The following SAMD12 variants were observed in gnomAD, a reference collection of about 807,000 sequenced individuals.
SAMD12 encodes sterile alpha motif domain-containing protein 12.
A neutral mutation model predicts 15.0 loss-of-function variants in SAMD12; 9 were observed. The observed-to-expected ratio is 0.60, with a 90% confidence interval of 0.36 to 1.05. The LOEUF (loss-of-function observed/expected upper bound fraction) is 1.05. Among genes scored for constraint, SAMD12 ranks in the 50% least tolerant of loss-of-function variants. The pLI is 0.01. For synonymous variants in SAMD12, 86 were observed against 90.1 expected (o/e 0.96, Z 0.25); for missense variants, 230 against 234.2 (o/e 0.98, Z 0.12).
At chr8:118,317,144 C>A (rs962106091) in intron 4 of SAMD12, among the ~76,000 whole-genome samples, 2 of 152,232 alleles carry the variant, frequency 1.3e-5, no homozygotes, top group East Asian at 3.9e-4. Context: ...GGAGAGACCA[C>A]CTCTACAGAC....
At chr8:118,469,542 AT>A (rs1823725172) in intron 2 of SAMD12, among the ~76,000 whole-genome samples, 2 of 4,392 alleles carry the variant, frequency 4.6e-4, no homozygotes, top group African/African-American at 1.5e-3. Context: ...TATATATATT[AT>A]ATTATTATAT....
intron 4 of SAMD12, among the ~76,000 whole-genome samples, chr8:118,312,534 T>C (rs1053211523): frequency 1.3e-5 from 2 of 152,190 alleles, no homozygotes; most frequent in Admixed American, 6.5e-5. Flanking sequence ...TTTATTTATA[T>C]ATTGTCTTAG....
intron 2 of SAMD12, among the ~76,000 whole-genome samples, chr8:118,500,669 G>A (rs1187031606): frequency 2.0e-5 from 3 of 151,984 alleles, no homozygotes; most frequent in African/African-American, 7.2e-5. Flanking sequence ...AGCTGGGCGT[G>A]GTGGCAGGTG....
intron 4 of SAMD12, among the ~76,000 whole-genome samples, chr8:118,262,048 A>C (rs896093400): frequency 6.6e-6 from 1 of 152,078 alleles, no homozygotes; most frequent in Non-Finnish European, 1.5e-5. Context: ...ATCTGGAGGA[A>C]ATCAAGTTAA....
intron 2 of SAMD12, among the ~76,000 whole-genome samples, chr8:118,514,125 T>C (rs1478466446): frequency 6.6e-6 from 1 of 152,218 alleles, no homozygotes; most frequent in Non-Finnish European, 1.5e-5. Context: ...CTGTATAAAG[T>C]ACATGAGATC....
chr8:118,425,592 T>C (rs868830506), intron 3 of SAMD12, among the ~76,000 whole-genome samples: 2 of 152,188 alleles, frequency 1.3e-5, no homozygotes, highest in African/African-American at 4.8e-5. Context: ...TCATACTTAA[T>C]TGACTTAGTT....
At chr8:118,202,851 A>G (rs1819752456) in intron 4 of SAMD12, among the ~76,000 whole-genome samples, 1 of 152,230 alleles carries the variant, frequency 6.6e-6, no homozygotes, top group Non-Finnish European at 1.5e-5. Flanking sequence ...ACATTCCAAA[A>G]AAGTGAGATC....
intron 4 of SAMD12, among the ~76,000 whole-genome samples, chr8:118,221,007 G>T (rs112359207): frequency 6.6e-6 from 1 of 151,822 alleles, no homozygotes; most frequent in Non-Finnish European, 1.5e-5. Flanking sequence ...AATTATTTGC[G>T]TATGATTTCT....
At chr8:118,422,761 C>G (rs551543014) in intron 3 of SAMD12, among the ~76,000 whole-genome samples, 1 of 152,044 alleles carries the variant, frequency 6.6e-6, no homozygotes, top group Non-Finnish European at 1.5e-5. Flanking sequence ...AAATTTAGAC[C>G]AGAAAAGTGG....
intron 2 of SAMD12, among the ~76,000 whole-genome samples, chr8:118,528,194 TTTTTTA>T (rs1238240650): frequency 2.6e-5 from 4 of 152,262 alleles, no homozygotes; most frequent in Non-Finnish European, 5.9e-5. Context: ...AATCAGCTAA[TTTTTTA>T]TTTTTATTTT....
chr8:118,589,263 G>C (rs1208709971), intron 1 of SAMD12, among the ~76,000 whole-genome samples: 2 of 152,184 alleles, frequency 1.3e-5, no homozygotes, highest in African/African-American at 4.8e-5. Flanking sequence ...TGCCCAAGCT[G>C]GACCTACATG....
intron 2 of SAMD12, among the ~76,000 whole-genome samples, chr8:118,537,573 C>T (rs578169389): frequency 1.9e-4 from 29 of 152,298 alleles, no homozygotes; most frequent in African/African-American, 7.0e-4. Flanking sequence ...GACACTGATG[C>T]ATTCTTCAGT....
chr8:118,241,999 CCT>C (rs1812579208), intron 4 of SAMD12, among the ~76,000 whole-genome samples: 5 of 152,112 alleles, frequency 3.3e-5, no homozygotes, highest in Non-Finnish European at 5.9e-5. Context: ...GAAGCCTTGA[CCT>C]CCCTGGGCTC....
At chr8:118,443,460 A>G (rs1020044073) in intron 2 of SAMD12, among the ~76,000 whole-genome samples, 1 of 151,926 alleles carries the variant, frequency 6.6e-6, no homozygotes, top group African/African-American at 2.4e-5. Context: ...TGTCTCAAAA[A>G]ATAAAAAACA....
chr8:118,298,858 A>C (rs1259759833), intron 4 of SAMD12, among the ~76,000 whole-genome samples: 6 of 152,194 alleles, frequency 3.9e-5, no homozygotes, highest in South Asian at 2.1e-4. Context: ...TTGAGATGAT[A>C]TTTGAACAGT....
chr8:118,139,880 G>C, the SAMD12 span, among the ~76,000 whole-genome samples: 2 of 152,152 alleles, frequency 1.3e-5, no homozygotes, highest in African/African-American at 4.8e-5. Context: ...CAATCCTCTA[G>C]GGTGATAAGC....
In SAMD12 at chr8:118,292,177, T is replaced by C. The variant is rs931251720; in HGVS notation, c.433+87383A>G. Among the ~76,000 whole-genome samples the C allele has an allele frequency of 5.7e-4, 86 of 151,290 alleles. 1 individual carries two copies. The highest frequency in any genetic ancestry group is 1.5e-4 in the Non-Finnish European group (10 of 67,880). Reference sequence around the variant, plus strand: ...GGGTAGGGGGCGAGGGATAAAAGACTGCAAATACGGTGCTGTGTAAACTGC... The same window carrying C: ...GGGTAGGGGGCGAGGGATAAAAGACCGCAAATACGGTGCTGTGTAAACTGC... On this transcript the variant is annotated intron_variant, in intron 4 of 4. Coordinates refer to the SAMD12 transcript ENST00000409003.
intron 2 of SAMD12, among the ~76,000 whole-genome samples, chr8:118,517,737 C>T (rs573423115): frequency 6.6e-6 from 1 of 152,274 alleles, no homozygotes; most frequent in East Asian, 1.9e-4. Context: ...ATTACAAGAT[C>T]GACCAGCATT....
At chr8:118,420,961 A>T (rs896189367) in intron 3 of SAMD12, among the ~76,000 whole-genome samples, 1 of 152,196 alleles carries the variant, frequency 6.6e-6, no homozygotes, top group Non-Finnish European at 1.5e-5. Context: ...TACTACAAAC[A>T]TGGAGTTTAG....
Sources: allele counts gnomAD v4.1 joint callset (sites outside exome capture counted in the v4.1 genomes callset), GRCh38; gene constraint gnomAD v4.1.1; transcripts MANE v1.5; gene names NCBI Gene and HGNC (gene_info 2026-07-23, HGNC 2026-07-21).